SMAD3: variants seen among roughly 807,000 people sequenced by gnomAD.
The protein encoded by SMAD3 is SMAD family member 3.
SMAD3 carries 12 observed loss-of-function variants against 51.8 expected under a neutral mutation model. The observed-to-expected ratio is 0.23, with a 90% CI of 0.15 to 0.38. The LOEUF is 0.38. Among genes scored for constraint, SMAD3 ranks in the 10% least tolerant of loss-of-function variants. The pLI is 1.00. For synonymous variants in SMAD3, 238 were observed against 227.7 expected, an observed-to-expected ratio of 1.05 and a Z score of -0.41; for missense variants, 294 against 565.6, an observed-to-expected ratio of 0.52 and a Z score of 4.87.
At chr15:67,114,431 C>T (rs1248544549) in intron 1 of SMAD3, among the ~76,000 whole-genome samples, 1 of 152,244 alleles carries the variant, frequency 6.6e-6, no homozygotes, top group Non-Finnish European at 1.5e-5. Context: ...AACAAGCCAC[C>T]TTCAACTGAT....
At position 67,091,244 on chromosome 15, in the gene SMAD3, G is replaced by A. The variant is rs554579012; in HGVS notation, c.206+24884G>A. 6.6e-5 allele frequency among the ~76,000 whole-genome samples: 10 copies of A among 152,318 alleles called. No homozygotes were observed. The South Asian group carries it at 8.3e-4, about 13-fold the overall frequency. ...GCGTATTATTCCTGCTCCCCCAGCC[G>A]TCTCCAGGCCCCAGTCTCCTCTGGA... On this transcript the variant is annotated intron_variant, in intron 1 of 8. Transcript: ENST00000327367.
chr15:67,072,026 A>G (rs1208113261), intron 1 of SMAD3, among the ~76,000 whole-genome samples: 1 of 152,232 alleles, frequency 6.6e-6, no homozygotes, highest in Non-Finnish European at 1.5e-5. Context: ...CAATTTTAAT[A>G]ACAGAAAAAT....
At chr15:67,066,499 G>A (rs1959922113) in intron 1 of SMAD3, 139 bp downstream of exon 1, 5 of 719,796 alleles carry the variant, frequency 6.9e-6, no homozygotes, top group Non-Finnish European at 1.2e-5. Context: ...GTGTGTGAGA[G>A]TGGGAGAGCG....
At chr15:67,068,133 A>G (rs1959970322) in intron 1 of SMAD3, among the ~76,000 whole-genome samples, 1 of 152,238 alleles carries the variant, frequency 6.6e-6, no homozygotes, top group Admixed American at 6.5e-5. Context: ...CAAGCAAGCA[A>G]CCAGCCATGG....
rs978657403 is a variant in SMAD3 at position 67,113,232 on chromosome 15, G to A, written c.206+46872G>A. Among the ~76,000 whole-genome samples, 30 of 109,646 alleles carry A rather than the reference G, an allele frequency of 2.7e-4. 5 individuals are homozygous for A. In the Admixed American group the frequency reaches 2.9e-3, roughly 11 times the overall value. 71.9% of individuals were successfully genotyped at this position (109,646 alleles called of 152,430 possible). A position where few individuals can be genotyped will look rare whatever the true frequency, so the allele number is the denominator to read the frequency against. On this transcript the variant is annotated intron_variant, in intron 1 of 8. Transcript: ENST00000327367. ...CTCCCGAGTAGCTGGGACTACAGGC[G>A]CCTGCCACCACGCCCGGCCAATTTT...
intron 1 of SMAD3, among the ~76,000 whole-genome samples, chr15:67,106,762 G>A (rs1960886456): frequency 1.3e-5 from 2 of 152,170 alleles, no homozygotes; most frequent in Admixed American, 6.6e-5. Context: ...TAGCCACTGA[G>A]CACTGGCTCT....
intron 1 of SMAD3, among the ~76,000 whole-genome samples, chr15:67,074,828 T>A (rs2140198113): frequency 6.6e-6 from 1 of 152,350 alleles, no homozygotes; most frequent in African/African-American, 2.4e-5. Flanking sequence ...TAGCTGGGAC[T>A]ACAGGCGCCC....
At chr15:67,136,836 G>GA (rs1013409018) in intron 1 of SMAD3, among the ~76,000 whole-genome samples, 29 of 152,242 alleles carry the variant, frequency 1.9e-4, no homozygotes, top group African/African-American at 6.8e-4. Flanking sequence ...AGAGGATGGA[G>GA]ATCCCTGGGC....
intron 1 of SMAD3, among the ~76,000 whole-genome samples, chr15:67,146,577 G>A (rs1961980054): frequency 6.6e-6 from 1 of 152,084 alleles, no homozygotes; most frequent in South Asian, 2.1e-4. Flanking sequence ...GAGCGGGGAG[G>A]GACTTCTCTC....
intron 3 of SMAD3, 103 bp downstream of exon 3, chr15:67,165,487 T>G (rs1052824000): frequency 7.2e-7 from 1 of 1,389,992 alleles, no homozygotes; most frequent in African/African-American, 1.4e-5. Flanking sequence ...CGTCCCCCGC[T>G]CACCCCCTCT....
At chr15:67,126,096 T>G in intron 1 of SMAD3, 1 of 467,992 alleles carries the variant, frequency 2.1e-6, no homozygotes, top group Non-Finnish European at 2.8e-6. Context: ...ATTGCGTAGT[T>G]TTTTTCTTTT....
intron 1 of SMAD3, chr15:67,098,548 C>CG (rs1960670915): frequency 2.9e-6 from 1 of 350,682 alleles, no homozygotes; most frequent in African/African-American, 2.0e-5. Flanking sequence ...TCCTCAGCCC[C>CG]GGTAGCCTGT....
intron 1 of SMAD3, chr15:67,142,983 G>A (rs776531991): frequency 4.8e-5 from 15 of 311,768 alleles, no homozygotes; most frequent in Non-Finnish European, 8.9e-5. Context: ...AATCATTCCC[G>A]GCCAGGCCAG....
chr15:67,071,507 G>A (rs1345942058), intron 1 of SMAD3, among the ~76,000 whole-genome samples: 1 of 152,102 alleles, frequency 6.6e-6, no homozygotes, highest in Non-Finnish European at 1.5e-5. Flanking sequence ...GACAGGGAGT[G>A]TTAATAAAAA....
chr15:67,164,957 G>T lies in SMAD3; in HGVS notation c.269G>T (p.Arg90Leu). 6.2e-7 allele frequency: 1 copy of T among 1,613,890 alleles called. No individual in the cohort carries two copies. Among genetic ancestry groups the T allele is most frequent in the Non-Finnish European group, 8.5e-7 (1 of 1,180,026 alleles). ...GGGCTCCCTCATGTCATCTACTGCC[G>T]CCTGTGGCGATGGCCAGACCTGCAC... ...RKGLPHVIYC[R>L]LWRWPDLHSH... is the part of the protein sequence containing the mutation. Residue 90 changes from arginine (R) to leucine (L), a missense_variant, in exon 2 of 9, where the codon CGC (arginine) becomes CTC (leucine). By Grantham distance (102) the Arg-to-Leu change is moderately radical. This residue lies in a region of SMAD3 where 147 missense variants were observed against 260.9 expected (regional missense o/e 0.56). Transcript: ENST00000327367.
chr15:67,172,814 C>T (rs1450997534), intron 5 of SMAD3, among the ~76,000 whole-genome samples: 2 of 152,182 alleles, frequency 1.3e-5, no homozygotes, highest in Admixed American at 6.5e-5. Context: ...GTTTAGACCA[C>T]CTGTCCCCAC....
chr15:67,105,707 T>G (rs923944612), intron 1 of SMAD3, among the ~76,000 whole-genome samples: 3 of 152,188 alleles, frequency 2.0e-5, no homozygotes, highest in East Asian at 1.9e-4. Flanking sequence ...GAAACAGGAA[T>G]GTGTCTCTTA....
intron 1 of SMAD3, among the ~76,000 whole-genome samples, chr15:67,081,708 G>A (rs376291556): frequency 8.6e-5 from 13 of 152,040 alleles, no homozygotes; most frequent in South Asian, 2.1e-4. Context: ...GTCTATAAAC[G>A]TTGCATCCAA....
intron 1 of SMAD3, among the ~76,000 whole-genome samples, chr15:67,120,189 G>A (rs536910459): frequency 7.2e-5 from 11 of 152,270 alleles, no homozygotes; most frequent in Non-Finnish European, 1.2e-4. Flanking sequence ...TTTGCTAGCC[G>A]TAAGTCCCTG....
Sources: allele counts gnomAD v4.1 joint callset (sites outside exome capture counted in the v4.1 genomes callset), GRCh38; gene constraint gnomAD v4.1.1; regional missense constraint gnomAD v4.1.1; transcripts MANE v1.5; gene names NCBI Gene and HGNC (gene_info 2026-07-23, HGNC 2026-07-21).